FAM184B: variants seen among roughly 807,000 people sequenced by gnomAD.
FAM184B encodes the protein family with sequence similarity 184 member B, also known as protein FAM184B.
A neutral mutation model predicts 135.9 loss-of-function variants in FAM184B; 111 were observed. The observed-to-expected ratio is 0.82, with a 90% CI of 0.70 to 0.96. The LOEUF (loss-of-function observed/expected upper bound fraction) is 0.96. Ranked by LOEUF, FAM184B falls within the 40% of genes least tolerant of loss-of-function variation. The probability of loss-of-function intolerance (pLI) is 0.00; values close to 1 mark genes in which losing one functional copy is unlikely to be tolerated. For synonymous variants in FAM184B, 552 were observed against 524.8 expected, an observed-to-expected ratio of 1.05 and a Z score of -0.71; for missense variants, 1,375 against 1,323.9, an observed-to-expected ratio of 1.04 and a Z score of -0.60.
chr4:17,766,262 G>A (rs1405445080), intron 1 of FAM184B, among the ~76,000 whole-genome samples: 2 of 152,200 alleles, frequency 1.3e-5, no homozygotes, highest in Non-Finnish European at 2.9e-5. Context: ...TTTTGACAGG[G>A]TGCTGATTGG....
chr4:17,631,133 C>G lies in FAM184B; in HGVS notation c.*1399G>C, dbSNP rs1276806052. 2 of 152,174 alleles carry G rather than the reference C, an allele frequency of 1.3e-5. No individual in the cohort carries two copies. Among genetic ancestry groups the G allele is most frequent in the African/African-American group, 4.8e-5 (2 of 41,424 alleles). The allele number at this position is 152,174 out of a possible 1,614,324, so 9.4% of individuals were successfully genotyped here. ...CAGCCATTGCGGTTCCTTTAACCCA[C>G]TGGGAATTCATGCAGTGAAGAAGCA... On this transcript the variant is annotated 3_prime_UTR_variant, in exon 18 of 18. Coordinates refer to ENST00000265018, the MANE Select transcript of FAM184B (RefSeq NM_015688.2).
rs376640483 is a variant in FAM184B at position 17,728,538 on chromosome 4, G to A, written c.142-18894C>T. On this transcript the variant is annotated intron_variant, in intron 1 of 17. Transcript: ENST00000265018. ...GGAGAGCTTAGGGCTTGCAGACTCC[G>A]TCTCTCGGGGCAGTCAGTGTAGGTC... Among the ~76,000 whole-genome samples, 22 of 152,250 alleles carry A rather than the reference G, an allele frequency of 1.4e-4. No individual in the cohort carries two copies. In the South Asian group the frequency reaches 2.1e-3, roughly 14 times the overall value.
At chr4:17,705,986 C>T in intron 3 of FAM184B, 95 bp from the exon 4 acceptor site, 5 of 1,471,098 alleles carry the variant, frequency 3.4e-6, no homozygotes, top group Non-Finnish European at 4.6e-6. Flanking sequence ...CGCTTTACAA[C>T]CACTTTGTCC....
rs757968455 is a variant in FAM184B, at chr4:17,635,033, C to T, written c.2865G>A (p.Pro955=). The change falls in exon 16 of 18, where the codon CCG becomes CCA. Residue 955 remains proline, a synonymous_variant. Transcript: ENST00000265018. ...RNRSFSFNPH[P]GYLTPSMKKK... ...CCTTCATGGAAGGGGTCAAATATCC[C>T]GGGTGAGGATTGAAAGAGAAAGACC... The T allele has an allele frequency of 2.7e-5, 42 of 1,551,504 alleles. 1 individual carries two copies. The highest frequency in any genetic ancestry group is 2.3e-4 in the South Asian group (19 of 84,044).
intron 1 of FAM184B, among the ~76,000 whole-genome samples, chr4:17,750,065 A>G (rs890543955): frequency 6.6e-6 from 1 of 152,236 alleles, no homozygotes; most frequent in African/African-American, 2.4e-5. Context: ...GATCTGCATT[A>G]AAGCTTTTTT....
intron 1 of FAM184B, among the ~76,000 whole-genome samples, chr4:17,741,565 A>G (rs888047488): frequency 2.6e-5 from 4 of 152,166 alleles, no homozygotes; most frequent in Non-Finnish European, 5.9e-5. Flanking sequence ...GTGGTGGCGC[A>G]TGCCTGTAAT....
At chr4:17,665,573 GGGGC>G in intron 7 of FAM184B, among the ~76,000 whole-genome samples, 1 of 152,268 alleles carries the variant, frequency 6.6e-6, no homozygotes, top group East Asian at 1.9e-4. Flanking sequence ...GTGAAACAAA[GGGGC>G]TGGCTTATAT....
intron 2 of FAM184B, among the ~76,000 whole-genome samples, 174 bp downstream of exon 2, chr4:17,708,718 G>A (rs1285859058): frequency 7.3e-5 from 8 of 110,080 alleles, no homozygotes; most frequent in African/African-American, 2.4e-4. Context: ...TAGTGTCTGT[G>A]TGTGTGTGTG....
rs1052171021 is a variant in FAM184B, at chr4:17,691,352, G to C, written c.1488+1950C>G. ...AACTTCTTAGATAGTATCTTGACTA[G>C]AGCAAGTGCTCCACAAAGCTAGCCA... is the stretch of plus-strand genomic sequence containing the variant. On this transcript the variant is annotated intron_variant, in intron 6 of 17. Coordinates refer to ENST00000265018, the MANE Select transcript of FAM184B (RefSeq NM_015688.2). 2.0e-4 allele frequency among the ~76,000 whole-genome samples: 31 copies of C among 152,280 alleles called. 1 individual carries two copies. The highest frequency in any genetic ancestry group is 6.5e-4 in the African/African-American group (27 of 41,558).
At chr4:17,765,914 T>C (rs1373575809) in intron 1 of FAM184B, among the ~76,000 whole-genome samples, 2 of 151,994 alleles carry the variant, frequency 1.3e-5, no homozygotes, top group African/African-American at 2.4e-5. Context: ...CGGTGGTGAG[T>C]GTTACAGCTC....
At chr4:17,752,077 G>A (rs1449312652) in intron 1 of FAM184B, among the ~76,000 whole-genome samples, 1 of 152,010 alleles carries the variant, frequency 6.6e-6, no homozygotes, top group African/African-American at 2.4e-5. Flanking sequence ...GACAGTAACA[G>A]GAGCTCTTGG....
Position 17,774,371 on chromosome 4 carries a change from G to GACAA in FAM184B, c.141+6784_141+6787dup, listed in dbSNP as rs113601675. Among the ~76,000 whole-genome samples the GACAA allele has an allele frequency of 1.1e-3, 164 of 151,980 alleles. 1 individual carries two copies. Among genetic ancestry groups the GACAA allele is most frequent in the South Asian group, 5.4e-3 (26 of 4,816 alleles). ...CAACAGAGCCAGACCCTGTCTCAAA[G>GACAA]ACAAACAAACAAACAAACAAACAAA... On this transcript the variant is annotated intron_variant, in intron 1 of 17. Coordinates refer to ENST00000265018, the MANE Select transcript of FAM184B (RefSeq NM_015688.2).
At chr4:17,666,645 G>A (rs1716056408) in intron 7 of FAM184B, among the ~76,000 whole-genome samples, 2 of 151,222 alleles carry the variant, frequency 1.3e-5, no homozygotes, top group African/African-American at 2.4e-5. Context: ...TTTGTTCCCT[G>A]GACACCTTCT....
At chr4:17,643,625 C>T (rs1229573481) in intron 12 of FAM184B, among the ~76,000 whole-genome samples, 1 of 152,212 alleles carries the variant, frequency 6.6e-6, no homozygotes, top group African/African-American at 2.4e-5. Context: ...TCTGTCTTCC[C>T]TCTGCTAGAC....
chr4:17,642,001 G>A, intron 13 of FAM184B, 55 bp downstream of exon 13: 1 of 1,473,640 alleles, frequency 6.8e-7, no homozygotes, highest in Non-Finnish European at 8.9e-7. Flanking sequence ...GGGAGGGGGG[G>A]TGGCGGGGTA....
chr4:17,747,941 A>AAAG (rs1718208277), intron 1 of FAM184B, among the ~76,000 whole-genome samples: 1 of 146,952 alleles, frequency 6.8e-6, no homozygotes, highest in Non-Finnish European at 1.5e-5. Flanking sequence ...AAAAAAAAAA[A>AAAG]AAAAAAATTC....
intron 1 of FAM184B, among the ~76,000 whole-genome samples, chr4:17,746,559 C>T (rs952578030): frequency 2.0e-5 from 3 of 150,514 alleles, no homozygotes; most frequent in Admixed American, 2.0e-4. Flanking sequence ...GGTGAAACTC[C>T]ATCTCTACTA....
intron 6 of FAM184B, among the ~76,000 whole-genome samples, chr4:17,689,068 C>T (rs561500018): frequency 2.6e-5 from 4 of 152,198 alleles, no homozygotes; most frequent in African/African-American, 9.6e-5. Context: ...TATAGTATTC[C>T]ACACTTTCCT....
Position 17,693,432 on chromosome 4 carries a change from G to A in FAM184B, c.1378-20C>T, listed in dbSNP as rs887990076. On this transcript the variant is annotated intron_variant, in intron 5 of 17. Transcript: ENST00000265018. ...TACTTCCTAAATGATGATTGGAAGA[G>A]TTAACCATACAAGGCACGAAAACAG... 6.5e-7 allele frequency: 1 copy of A among 1,539,854 alleles called. No individual in the cohort carries two copies. Among genetic ancestry groups the A allele is most frequent in the African/African-American group, 1.4e-5 (1 of 72,926 alleles).
Sources: gnomAD v4.1 joint callset for allele counts (sites outside exome capture counted in the v4.1 genomes callset) on GRCh38, gnomAD v4.1.1 for gene constraint, MANE v1.5 for transcripts, NCBI Gene and HGNC (gene_info 2026-07-23, HGNC 2026-07-21) for gene names.